CADM2: variants seen among roughly 807,000 people sequenced by gnomAD.
CADM2 encodes cell adhesion molecule 2.
CADM2 carries 12 observed loss-of-function variants against 49.8 expected under a neutral mutation model. That is an observed-to-expected ratio of 0.24 (90% CI 0.15 to 0.39). The LOEUF is 0.39. CADM2 is among the 10% of genes least tolerant of loss of function. The pLI is 1.00. For synonymous variants in CADM2, 214 were observed against 175.4 expected (o/e 1.22, Z -1.74); for missense variants, 378 against 492.3 (o/e 0.77, Z 2.20).
chr3:85,990,763 G>C (rs1180375312), intron 8 of CADM2, among the ~76,000 whole-genome samples: 2 of 152,114 alleles, frequency 1.3e-5, no homozygotes, highest in Non-Finnish European at 2.9e-5. Flanking sequence ...GAGATTATCT[G>C]GCAACTGCTA....
At chr3:85,190,647 AGG>A (rs2041186502) in intron 1 of CADM2, among the ~76,000 whole-genome samples, 1 of 152,170 alleles carries the variant, frequency 6.6e-6, no homozygotes, top group Non-Finnish European at 1.5e-5. Context: ...ACCCTTTTAG[AGG>A]TGACAGATAA....
intron 1 of CADM2, among the ~76,000 whole-genome samples, chr3:85,071,971 T>C (rs989628911): frequency 6.6e-6 from 1 of 150,562 alleles, no homozygotes; most frequent in African/African-American, 2.4e-5. Flanking sequence ...AATAATATAA[T>C]ACAAATATAT....
At chr3:85,647,004 A>G (rs892175746) in intron 1 of CADM2, among the ~76,000 whole-genome samples, 1 of 151,766 alleles carries the variant, frequency 6.6e-6, no homozygotes, top group Non-Finnish European at 1.5e-5. Context: ...AAAACTCTCT[A>G]TTCAAGCAAT....
chr3:85,911,575 T>G (rs1717598885), intron 5 of CADM2, among the ~76,000 whole-genome samples: 1 of 152,230 alleles, frequency 6.6e-6, no homozygotes, highest in Non-Finnish European at 1.5e-5. Context: ...GATGACAACT[T>G]TCTCATCCTA....
intron 1 of CADM2, among the ~76,000 whole-genome samples, chr3:84,965,213 T>C (rs2030884973): frequency 6.6e-6 from 1 of 152,198 alleles, no homozygotes; most frequent in South Asian, 2.1e-4. Context: ...TTCTGTTGTA[T>C]CAAGAAAGGC....
chr3:85,945,449 A>C (rs947355333), intron 7 of CADM2, among the ~76,000 whole-genome samples: 1 of 152,084 alleles, frequency 6.6e-6, no homozygotes, highest in Admixed American at 6.6e-5. Context: ...TCATCCTGAT[A>C]CCAAAGCCGG....
chr3:85,319,614 T>TA (rs5850681), intron 1 of CADM2, among the ~76,000 whole-genome samples: 2 of 151,950 alleles, frequency 1.3e-5, no homozygotes, highest in Non-Finnish European at 2.9e-5. Context: ...TATGCAGCCA[T>TA]AAAAAAATGA....
At chr3:86,042,492 A>C (rs1211321072) in intron 8 of CADM2, among the ~76,000 whole-genome samples, 1 of 152,180 alleles carries the variant, frequency 6.6e-6, no homozygotes, top group East Asian at 1.9e-4. Flanking sequence ...AAATGGATAA[A>C]TTCCTTGACA....
At chr3:85,652,286 G>A (rs2065065377) in intron 1 of CADM2, among the ~76,000 whole-genome samples, 1 of 152,080 alleles carries the variant, frequency 6.6e-6, no homozygotes, top group Admixed American at 6.6e-5. Context: ...AGAAGCAGGG[G>A]TTAGCGTGTG....
At chr3:85,124,315 C>G (rs1479143525) in intron 1 of CADM2, among the ~76,000 whole-genome samples, 2 of 152,128 alleles carry the variant, frequency 1.3e-5, no homozygotes, top group African/African-American at 4.8e-5. Context: ...TGAAAATATT[C>G]TAAGTGGATG....
At chr3:85,420,215 T>G (rs2107495225) in intron 1 of CADM2, among the ~76,000 whole-genome samples, 1 of 152,304 alleles carries the variant, frequency 6.6e-6, no homozygotes, top group Non-Finnish European at 1.5e-5. Context: ...ATACTCAATT[T>G]TCTCTCAAAC....
rs555320386 is a variant in CADM2 at position 85,928,400 on chromosome 3, G to A, written c.701-7367G>A. On this transcript the variant is annotated intron_variant, in intron 6 of 9. Coordinates refer to ENST00000383699, the MANE Select transcript of CADM2 (RefSeq NM_001167675.2). ...TCTTGATCTCCTGACCTCATGATCCGTCCACCTCGGCCTCCGAAAGTGCTG... is the reference window on the plus strand; with the variant it reads ...TCTTGATCTCCTGACCTCATGATCCATCCACCTCGGCCTCCGAAAGTGCTG... Among the ~76,000 whole-genome samples the A allele has an allele frequency of 2.0e-3, 298 of 152,022 alleles. 3 individuals are homozygous for A. The highest frequency in any genetic ancestry group is 4.9e-3 in the Admixed American group (75 of 15,252).
At chr3:85,744,226 G>C (rs7624230) in intron 2 of CADM2, among the ~76,000 whole-genome samples, 21,077 of 152,118 alleles carry the variant, frequency 0.14, 1,585 homozygotes, top group East Asian at 0.22. Flanking sequence ...GGGGGATTTA[G>C]GGGATGGGAC....
At chr3:85,165,412 C>T (rs1016237252) in intron 1 of CADM2, among the ~76,000 whole-genome samples, 2 of 151,726 alleles carry the variant, frequency 1.3e-5, no homozygotes, top group Non-Finnish European at 3.0e-5. Context: ...TAAAAAAGGT[C>T]CCAAGCTATT....
At chr3:85,546,197 A>T (rs1376469943) in intron 1 of CADM2, among the ~76,000 whole-genome samples, 1 of 152,196 alleles carries the variant, frequency 6.6e-6, no homozygotes, top group Non-Finnish European at 1.5e-5. Context: ...TCAAAATTCT[A>T]GCACCATGCT....
At chr3:86,040,804 G>A (rs1240787807) in intron 8 of CADM2, among the ~76,000 whole-genome samples, 5 of 152,130 alleles carry the variant, frequency 3.3e-5, no homozygotes, top group East Asian at 3.9e-4. Context: ...TTGAAATGAA[G>A]GAAAAAATGT....
At chr3:85,513,744 T>G (rs998484172) in intron 1 of CADM2, among the ~76,000 whole-genome samples, 3 of 152,026 alleles carry the variant, frequency 2.0e-5, no homozygotes, top group Non-Finnish European at 4.4e-5. Flanking sequence ...TATATGTTCC[T>G]TGTCCATTTG....
At chr3:85,997,186 C>G (rs1729537249) in intron 8 of CADM2, among the ~76,000 whole-genome samples, 1 of 152,192 alleles carries the variant, frequency 6.6e-6, no homozygotes, top group Non-Finnish European at 1.5e-5. Flanking sequence ...AATCACTTCT[C>G]AAGTTTAATC....
intron 1 of CADM2, among the ~76,000 whole-genome samples, chr3:85,253,618 C>G (rs2042822617): frequency 6.6e-6 from 1 of 152,106 alleles, no homozygotes; most frequent in African/African-American, 2.4e-5. Context: ...TAAGACTCCT[C>G]TGCAACATTT....
Sources: allele counts gnomAD v4.1 joint callset (sites outside exome capture counted in the v4.1 genomes callset), GRCh38; gene constraint gnomAD v4.1.1; transcripts MANE v1.5; gene names NCBI Gene and HGNC (gene_info 2026-07-23, HGNC 2026-07-21).